RBFOX1: variants seen among roughly 807,000 people sequenced by gnomAD.
RBFOX1 encodes the protein RNA binding fox-1 homolog 1.
In RBFOX1, 8 loss-of-function variants were observed where a neutral mutation model predicts 57.7. That is an observed-to-expected ratio of 0.14 (90% CI 0.08 to 0.25). RBFOX1 has a LOEUF of 0.25. Among genes scored for constraint, RBFOX1 ranks in the 10% least tolerant of loss-of-function variants. RBFOX1 has a pLI of 1.00. For synonymous variants in RBFOX1, 326 were observed against 222.4 expected (o/e 1.47, Z -4.15); for missense variants, 611 against 548.5 (o/e 1.11, Z -1.14).
chr16:7,684,966 T>G (rs756440788), intron 14 of RBFOX1, among the ~76,000 whole-genome samples: 22 of 152,090 alleles, frequency 1.4e-4, no homozygotes, highest in African/African-American at 5.3e-4. Flanking sequence ...ACTTGTTCTG[T>G]TTTGAAATTT....
At chr16:6,801,329 C>T (rs1356206130) in intron 3 of RBFOX1, among the ~76,000 whole-genome samples, 1 of 151,878 alleles carries the variant, frequency 6.6e-6, no homozygotes, top group African/African-American at 2.4e-5. Context: ...GAGAACCATA[C>T]AAGGCTCTTG....
intron 4 of RBFOX1, among the ~76,000 whole-genome samples, chr16:5,902,580 T>G (rs1412476528): frequency 6.6e-6 from 1 of 151,940 alleles, no homozygotes; most frequent in African/African-American, 2.4e-5. Flanking sequence ...CATGGCCAGC[T>G]GATGTTTTTA....
intron 1 of RBFOX1, among the ~76,000 whole-genome samples, chr16:6,212,704 CAAAA>C (rs77960620): frequency 9.8e-5 from 7 of 71,628 alleles, no homozygotes; most frequent in South Asian, 3.6e-4. Flanking sequence ...GAGAGTCTGT[CAAAA>C]AAACAAACAA....
chr16:6,191,337 G>T (rs1946126), intron 1 of RBFOX1, among the ~76,000 whole-genome samples: 1 of 152,106 alleles, frequency 6.6e-6, no homozygotes, highest in Non-Finnish European at 1.5e-5. Flanking sequence ...TCCTATAGCA[G>T]AAATTGTTGC....
chr16:5,727,783 A>C (rs2052208353), intron 3 of RBFOX1, among the ~76,000 whole-genome samples: 1 of 152,008 alleles, frequency 6.6e-6, no homozygotes, highest in South Asian at 2.1e-4. Context: ...AAACTTCTGG[A>C]TTCACGTGAT....
intron 3 of RBFOX1, among the ~76,000 whole-genome samples, chr16:5,813,692 CAT>C (rs2055518819): frequency 6.6e-6 from 1 of 152,194 alleles, no homozygotes. Flanking sequence ...TTATCTGTAT[CAT>C]AGAGTTGTTC....
At chr16:7,702,145 C>T (rs986203384) in intron 14 of RBFOX1, among the ~76,000 whole-genome samples, 1 of 152,194 alleles carries the variant, frequency 6.6e-6, no homozygotes, top group African/African-American at 2.4e-5. Context: ...TAGCCCAGAC[C>T]TTACAACCTG....
chr16:6,198,166 C>T (rs2097192736), intron 1 of RBFOX1, among the ~76,000 whole-genome samples: 2 of 152,158 alleles, frequency 1.3e-5, no homozygotes, highest in South Asian at 4.1e-4. Context: ...CATCATTTGG[C>T]AGCCACTTAT....
At chr16:6,778,406 G>C (rs1469025562) in intron 3 of RBFOX1, among the ~76,000 whole-genome samples, 1 of 152,032 alleles carries the variant, frequency 6.6e-6, no homozygotes, top group East Asian at 1.9e-4. Flanking sequence ...CCACATTCCT[G>C]AATTGTTTTA....
At chr16:7,112,173 T>C (rs1029781745) in intron 4 of RBFOX1, among the ~76,000 whole-genome samples, 1 of 152,200 alleles carries the variant, frequency 6.6e-6, no homozygotes, top group African/African-American at 2.4e-5. Flanking sequence ...ATACAAACTT[T>C]GTTTTTCTAT....
chr16:7,200,122 A>T (rs376406526), intron 4 of RBFOX1, among the ~76,000 whole-genome samples: 2 of 152,182 alleles, frequency 1.3e-5, no homozygotes, highest in African/African-American at 4.8e-5. Flanking sequence ...AGCACCAACA[A>T]AACTGGTTTG....
At chr16:6,429,013 C>T (rs2094005318) in intron 2 of RBFOX1, among the ~76,000 whole-genome samples, 1 of 152,192 alleles carries the variant, frequency 6.6e-6, no homozygotes, top group Non-Finnish European at 1.5e-5. Flanking sequence ...CATTCGGTGA[C>T]ATGCACCTGC....
intron 1 of RBFOX1, among the ~76,000 whole-genome samples, chr16:6,182,464 G>A (rs539664316): frequency 3.3e-5 from 5 of 152,220 alleles, no homozygotes; most frequent in African/African-American, 1.2e-4. Context: ...CAGCTAATAT[G>A]CATTTGTTTT....
chr16:7,591,803 A>T (rs2094455791), intron 7 of RBFOX1, among the ~76,000 whole-genome samples: 1 of 152,224 alleles, frequency 6.6e-6, no homozygotes, highest in South Asian at 2.1e-4. Flanking sequence ...TTTAAGGCAG[A>T]GGTAAAAATA....
intron 4 of RBFOX1, among the ~76,000 whole-genome samples, chr16:7,189,842 T>C (rs1022388567): frequency 6.6e-6 from 1 of 152,232 alleles, no homozygotes; most frequent in Admixed American, 6.5e-5. Context: ...CTGTTCACCA[T>C]TGTACATCTT....
At chr16:7,413,057 TAAATAA>T (rs1403110086) in intron 4 of RBFOX1, among the ~76,000 whole-genome samples, 8 of 151,148 alleles carry the variant, frequency 5.3e-5, no homozygotes, top group East Asian at 3.9e-4. Flanking sequence ...AAAATAAAAA[TAAATAA>T]AAATAAAAAT....
chr16:5,688,115 C>G (rs1170107399), intron 3 of RBFOX1, among the ~76,000 whole-genome samples: 1 of 152,158 alleles, frequency 6.6e-6, no homozygotes, highest in Admixed American at 6.5e-5. Flanking sequence ...ATTTATTATA[C>G]TCTTGTAGTT....
chr16:5,660,019 T>C (rs1045934366), intron 3 of RBFOX1, among the ~76,000 whole-genome samples: 3 of 152,214 alleles, frequency 2.0e-5, no homozygotes, highest in South Asian at 2.1e-4. Flanking sequence ...TCTATTTTTA[T>C]GAATTTAAAA....
At chr16:7,497,625 C>G (rs1446394311) in intron 4 of RBFOX1, among the ~76,000 whole-genome samples, 1 of 152,200 alleles carries the variant, frequency 6.6e-6, no homozygotes, top group Middle Eastern at 3.2e-3. Flanking sequence ...GGACCAGACA[C>G]AGTGGATAAA....
Sources: allele counts gnomAD v4.1 joint callset (sites outside exome capture counted in the v4.1 genomes callset), GRCh38; gene constraint gnomAD v4.1.1; transcripts MANE v1.5; gene names NCBI Gene and HGNC (gene_info 2026-07-23, HGNC 2026-07-21).